SORCS1: variants seen among roughly 807,000 people sequenced by gnomAD.
SORCS1 encodes the protein sortilin related VPS10 domain containing receptor 1.
Under a neutral mutation model 146.1 loss-of-function variants are expected in SORCS1, and 60 were observed. That is an observed-to-expected ratio of 0.41 (90% confidence interval 0.33 to 0.51). SORCS1 has a LOEUF of 0.51. Among genes scored for constraint, SORCS1 ranks in the 20% least tolerant of loss-of-function variants. The pLI is 0.21. For synonymous variants in SORCS1, 637 were observed against 584.0 expected (o/e 1.09, Z -1.31); for missense variants, 1,352 against 1,487.6 (o/e 0.91, Z 1.50).
chr10:106,686,636 T>C (rs1037759722), intron 10 of SORCS1, among the ~76,000 whole-genome samples: 1 of 152,186 alleles, frequency 6.6e-6, no homozygotes, highest in Non-Finnish European at 1.5e-5. Context: ...GTCACTGGCA[T>C]TGTGCACTTA....
intron 18 of SORCS1, 151 bp from the exon 19 acceptor site, chr10:106,629,539 A>G (rs550144906): frequency 1.0e-5 from 7 of 702,914 alleles, no homozygotes; most frequent in Admixed American, 2.8e-5. Context: ...CCTGCCTTTG[A>G]CAGAATCCCT....
intron 23 of SORCS1, among the ~76,000 whole-genome samples, chr10:106,602,097 G>T (rs968448274): frequency 3.9e-5 from 6 of 152,352 alleles, no homozygotes; most frequent in Middle Eastern, 6.8e-3. Flanking sequence ...TTTAAGGACA[G>T]TAGAGTAGTT....
intron 1 of SORCS1, among the ~76,000 whole-genome samples, chr10:106,966,928 T>C (rs185066091): frequency 1.3e-5 from 2 of 152,240 alleles, no homozygotes; most frequent in Middle Eastern, 3.4e-3. Flanking sequence ...AATAAGCTTA[T>C]AATAAGGTTA....
intron 1 of SORCS1, among the ~76,000 whole-genome samples, chr10:106,976,849 T>C (rs898772520): frequency 7.2e-5 from 11 of 152,166 alleles, no homozygotes; most frequent in African/African-American, 2.7e-4. Flanking sequence ...TTTATCTGTG[T>C]CCCTGTAAAG....
At chr10:107,150,334 C>T (rs1230296378) in intron 1 of SORCS1, among the ~76,000 whole-genome samples, 1 of 152,198 alleles carries the variant, frequency 6.6e-6, no homozygotes, top group African/African-American at 2.4e-5. Flanking sequence ...GAACATCAGT[C>T]CGACTTCCAA....
At chr10:106,796,977 G>T (rs1232146945) in intron 3 of SORCS1, among the ~76,000 whole-genome samples, 1 of 152,096 alleles carries the variant, frequency 6.6e-6, no homozygotes, top group Non-Finnish European at 1.5e-5. Context: ...CGTGGTGGCG[G>T]GTGCCTGTAG....
intron 1 of SORCS1, among the ~76,000 whole-genome samples, chr10:107,081,686 AAG>A (rs1963345471): frequency 6.6e-6 from 1 of 152,242 alleles, no homozygotes; most frequent in Non-Finnish European, 1.5e-5. Context: ...CACAAAGAAA[AAG>A]AGTGAAAAAA....
At chr10:106,709,202 A>G in intron 7 of SORCS1, 21 bp downstream of exon 7, 1 of 1,566,188 alleles carries the variant, frequency 6.4e-7, no homozygotes, top group South Asian at 1.1e-5. Context: ...GAGACAATCA[A>G]CAGAAGTGGA....
At chr10:106,985,798 G>C (rs1373968910) in intron 1 of SORCS1, among the ~76,000 whole-genome samples, 1 of 151,640 alleles carries the variant, frequency 6.6e-6, no homozygotes, top group Non-Finnish European at 1.5e-5. Flanking sequence ...GTCTCCCAAA[G>C]TGCTGGGATT....
the SORCS1 span, among the ~76,000 whole-genome samples, chr10:107,175,788 T>C: frequency 6.6e-6 from 1 of 152,226 alleles, no homozygotes; most frequent in Non-Finnish European, 1.5e-5. Flanking sequence ...TCAAATACTT[T>C]ATTCATTGCA....
intron 1 of SORCS1, among the ~76,000 whole-genome samples, chr10:107,153,527 T>C (rs1045358194): frequency 1.3e-5 from 2 of 152,198 alleles, no homozygotes; most frequent in Non-Finnish European, 2.9e-5. Context: ...GATCATTCTC[T>C]CTGGAATCAA....
At chr10:107,058,936 G>A (rs182503990) in intron 1 of SORCS1, among the ~76,000 whole-genome samples, 2 of 152,178 alleles carry the variant, frequency 1.3e-5, no homozygotes, top group East Asian at 1.9e-4. Flanking sequence ...CAACTTTTTC[G>A]AGAAAACTAG....
At chr10:107,103,930 C>T (rs1181512742) in intron 1 of SORCS1, among the ~76,000 whole-genome samples, 1 of 152,184 alleles carries the variant, frequency 6.6e-6, no homozygotes, top group Non-Finnish European at 1.5e-5. Context: ...CTGTGAGTTG[C>T]CTCAAAGGCC....
chr10:107,038,673 C>T (rs1355410867), intron 1 of SORCS1, among the ~76,000 whole-genome samples: 1 of 125,040 alleles, frequency 8.0e-6, no homozygotes, highest in Non-Finnish European at 1.7e-5. Context: ...AGACACTGCC[C>T]ACCCCCAACC....
At chr10:107,158,597 C>T (rs925327240) in intron 1 of SORCS1, among the ~76,000 whole-genome samples, 1 of 152,234 alleles carries the variant, frequency 6.6e-6, no homozygotes, top group Non-Finnish European at 1.5e-5. Flanking sequence ...CGTACATCTC[C>T]TGCTGTCTCT....
At position 106,697,831 on chromosome 10, in the gene SORCS1, C is replaced by T. The variant is rs563124980; in HGVS notation, c.1413+1383G>A. Reference sequence around the variant, plus strand: ...ATCGCTAGGATTTAAGCACAAGCAACCTAAATCCAAAATCTGTACTCTAAA... The same window carrying T: ...ATCGCTAGGATTTAAGCACAAGCAATCTAAATCCAAAATCTGTACTCTAAA... On this transcript the variant is annotated intron_variant, in intron 9 of 25. Transcript: ENST00000263054. Among the ~76,000 whole-genome samples, 6 of 152,222 alleles carry T rather than the reference C, an allele frequency of 3.9e-5. No individual in the cohort carries two copies. The East Asian group carries it at 7.7e-4, about 20-fold the overall frequency.
At chr10:106,867,222 G>A (rs750915898) in intron 2 of SORCS1, among the ~76,000 whole-genome samples, 2 of 152,172 alleles carry the variant, frequency 1.3e-5, no homozygotes, top group African/African-American at 4.8e-5. Context: ...GGAATCCCAT[G>A]AGGCTAACAG....
intron 24 of SORCS1, among the ~76,000 whole-genome samples, chr10:106,582,771 G>A (rs182783220): frequency 2.0e-5 from 3 of 152,292 alleles, no homozygotes; most frequent in East Asian, 3.9e-4. Flanking sequence ...TTAAGCCTGC[G>A]TACTTGCACA....
intron 2 of SORCS1, among the ~76,000 whole-genome samples, chr10:106,844,305 AC>A (rs571522795): frequency 2.6e-5 from 4 of 151,964 alleles, no homozygotes; most frequent in East Asian, 1.9e-4. Flanking sequence ...CTATGCAGAA[AC>A]TTTTTTGATT....
Sources: gnomAD v4.1 joint callset for allele counts (sites outside exome capture counted in the v4.1 genomes callset) on GRCh38, gnomAD v4.1.1 for gene constraint, MANE v1.5 for transcripts, NCBI Gene and HGNC (gene_info 2026-07-23, HGNC 2026-07-21) for gene names.